The following TWIST2 variants were observed in gnomAD, a reference collection of about 807,000 sequenced individuals.
TWIST2 encodes the protein twist-related protein 2.
In TWIST2, 1 loss-of-function variant was observed where a neutral mutation model predicts 11.6. That is an observed-to-expected ratio of 0.09 (90% CI 0.03 to 0.41). The LOEUF (loss-of-function observed/expected upper bound fraction) is 0.41, where lower values mean the gene tolerates loss of function less well. Among genes scored for constraint, TWIST2 ranks in the 10% least tolerant of loss-of-function variants. TWIST2 has a pLI of 0.98. For missense variants in TWIST2, 168 were observed against 226.4 expected (o/e 0.74, Z 1.66); for synonymous variants, 87 against 96.6 (o/e 0.90, Z 0.58).
In TWIST2 at chr2:238,909,216, G is replaced by T. The variant is rs927848335; in HGVS notation, c.*36-626G>T. ...TTGGTGTGTGTGTGTATGTGGGGTG[G>T]GGTGTGTTCGTGGGTGTGGTATGTG... On this transcript the variant is annotated intron_variant, in intron 1 of 1. Coordinates refer to ENST00000612363, the MANE Select transcript of TWIST2 (RefSeq NM_001271893.4). Among the ~76,000 whole-genome samples the T allele has an allele frequency of 1.1e-3, 23 of 20,704 alleles. No individual in the cohort carries two copies. In the East Asian group the frequency reaches 0.014, roughly 13 times the overall value. The allele number at this position is 20,704 out of a possible 152,430, so 13.6% of individuals were successfully genotyped here. A position where few individuals can be genotyped will look rare whatever the true frequency, so the allele number is the denominator to read the frequency against.
chr2:238,865,641 CTT>C (rs1295175302), intron 1 of TWIST2, among the ~76,000 whole-genome samples: 2 of 152,030 alleles, frequency 1.3e-5, no homozygotes, highest in Admixed American at 6.5e-5. Flanking sequence ...CAGGTTGAGT[CTT>C]TGAATTTGCA....
At position 238,848,714 on chromosome 2, in the gene TWIST2, C is replaced by T; in HGVS notation, c.*16C>T. Reference sequence around the variant, plus strand: ...CTCCCACTAGCGCCGCGCCACCCACCTCCGGACCGGCGCGCCAGGGTAGGT... The same window carrying T: ...CTCCCACTAGCGCCGCGCCACCCACTTCCGGACCGGCGCGCCAGGGTAGGT... On this transcript the variant is annotated 3_prime_UTR_variant, in exon 1 of 2. Coordinates refer to ENST00000612363, the MANE Select transcript of TWIST2 (RefSeq NM_001271893.4). 1 of 1,486,582 alleles carries T rather than the reference C, an allele frequency of 6.7e-7. No individual in the cohort carries two copies. The highest frequency in any genetic ancestry group is 8.9e-7 in the Non-Finnish European group (1 of 1,119,814). The allele number at this position is 1,486,582 out of a possible 1,614,324, so 92.1% of individuals were successfully genotyped here. A position where few individuals can be genotyped will look rare whatever the true frequency, so the allele number is the denominator to read the frequency against.
chr2:238,859,347 C>G (rs1464519687), intron 1 of TWIST2, among the ~76,000 whole-genome samples: 3 of 151,516 alleles, frequency 2.0e-5, no homozygotes, highest in African/African-American at 7.3e-5. Flanking sequence ...CCCAAATAAG[C>G]AAATCCATAC....
intron 1 of TWIST2, among the ~76,000 whole-genome samples, chr2:238,906,037 G>A (rs946732695): frequency 1.3e-5 from 2 of 152,198 alleles, no homozygotes; most frequent in Admixed American, 6.5e-5. Flanking sequence ...TGGGTTTCAG[G>A]GAAAATACGT....
At chr2:238,909,346 C>A (rs920913352) in intron 1 of TWIST2, among the ~76,000 whole-genome samples, 1 of 152,044 alleles carries the variant, frequency 6.6e-6, no homozygotes, top group Admixed American at 6.5e-5. Context: ...AAGAATCCGC[C>A]GTTGACAGCT....
intron 1 of TWIST2, among the ~76,000 whole-genome samples, chr2:238,858,949 C>T (rs946919035): frequency 6.6e-6 from 1 of 152,200 alleles, no homozygotes; most frequent in Non-Finnish European, 1.5e-5. Context: ...CAGTGGCTCA[C>T]GCCTGTAATC....
intron 1 of TWIST2, among the ~76,000 whole-genome samples, chr2:238,851,336 T>C (rs779348543): frequency 3.2e-4 from 49 of 152,192 alleles, no homozygotes; most frequent in Non-Finnish European, 6.0e-4. Flanking sequence ...TCAGGTGTCT[T>C]TGTCCAGTCA....
At chr2:238,865,875 C>T (rs371580485) in intron 1 of TWIST2, among the ~76,000 whole-genome samples, 56 of 152,256 alleles carry the variant, frequency 3.7e-4, no homozygotes, top group African/African-American at 1.1e-3. Context: ...AAATGCCATT[C>T]GCTGTGATGA....
intron 1 of TWIST2, among the ~76,000 whole-genome samples, chr2:238,868,335 C>A (rs1236599661): frequency 1.3e-5 from 2 of 152,230 alleles, no homozygotes; most frequent in African/African-American, 4.8e-5. Flanking sequence ...CGCCCCCCAG[C>A]CTGCTCTGGT....
intron 1 of TWIST2, among the ~76,000 whole-genome samples, chr2:238,868,878 G>A (rs1380538225): frequency 1.3e-5 from 2 of 152,220 alleles, no homozygotes; most frequent in Non-Finnish European, 2.9e-5. Flanking sequence ...TGATTCTCAA[G>A]ATGGTCCAGT....
At chr2:238,889,959 GGCTGCCCAGCCTGGCCTGTGCGGA>G (rs1169225773) in intron 1 of TWIST2, among the ~76,000 whole-genome samples, 281 of 23,164 alleles carry the variant, frequency 0.012, no homozygotes, top group Middle Eastern at 0.071. Flanking sequence ...CCTGGGTGGA[GGCTGCCCAGCCTGGCCTGTGCGGA>G]GGCTGCCCAG....
At chr2:238,854,950 A>C (rs763475324) in intron 1 of TWIST2, among the ~76,000 whole-genome samples, 11 of 152,154 alleles carry the variant, frequency 7.2e-5, no homozygotes, top group Non-Finnish European at 1.5e-4. Context: ...CCTTTCCTTC[A>C]TCTCTGCTCT....
intron 1 of TWIST2, among the ~76,000 whole-genome samples, chr2:238,879,939 G>C (rs568855075): frequency 1.2e-4 from 18 of 152,330 alleles, no homozygotes; most frequent in African/African-American, 4.3e-4. Context: ...CTGGGGCATG[G>C]TTCAAAACCC....
At chr2:238,905,214 GC>G (rs1384605029) in intron 1 of TWIST2, among the ~76,000 whole-genome samples, 8,835 of 152,120 alleles carry the variant, frequency 0.058, 397 homozygotes, top group East Asian at 0.16. Flanking sequence ...GCTCATTAGG[GC>G]CCCGGTCTGG....
intron 1 of TWIST2, among the ~76,000 whole-genome samples, chr2:238,905,988 T>C (rs1264240151): frequency 3.5e-5 from 5 of 144,438 alleles, no homozygotes; most frequent in African/African-American, 1.3e-4. Context: ...CGCGTGTACG[T>C]GCGCGTGTGT....
chr2:238,904,315 GGT>G (rs1200229202), intron 1 of TWIST2, among the ~76,000 whole-genome samples: 71 of 142,350 alleles, frequency 5.0e-4, no homozygotes, highest in African/African-American at 7.8e-4. Flanking sequence ...TCTAATGTGA[GGT>G]GTGTGTGTGT....
intron 1 of TWIST2, among the ~76,000 whole-genome samples, chr2:238,874,201 T>A (rs1692763818): frequency 6.6e-6 from 1 of 152,112 alleles, no homozygotes; most frequent in Non-Finnish European, 1.5e-5. Flanking sequence ...CTCAGGGAAG[T>A]GCAGCTACCA....
Position 238,848,139 on chromosome 2 carries a change from C to T in TWIST2, c.-77C>T, listed in dbSNP as rs1387348320. 6 of 1,127,076 alleles carry T rather than the reference C, an allele frequency of 5.3e-6. No homozygotes were observed. Among genetic ancestry groups the T allele is most frequent in the African/African-American group, 3.3e-5 (2 of 60,900 alleles). The allele number at this position is 1,127,076 out of a possible 1,614,324, so 69.8% of individuals were successfully genotyped here. A position where few individuals can be genotyped will look rare whatever the true frequency, so the allele number is the denominator to read the frequency against. The stretch of plus-strand genomic sequence containing the variant: ...TCCAGCAACTCCGAGAGCGTGTGCT[C>T]GGCGACCGCGGGCTTGGCCAGCGGC... On this transcript the variant is annotated 5_prime_UTR_variant, in exon 1 of 2. Coordinates refer to ENST00000612363, the MANE Select transcript of TWIST2 (RefSeq NM_001271893.4).
At chr2:238,892,411 C>T (rs957305724) in intron 1 of TWIST2, among the ~76,000 whole-genome samples, 1 of 152,246 alleles carries the variant, frequency 6.6e-6, no homozygotes, top group Non-Finnish European at 1.5e-5. Context: ...CCAGCCTGGG[C>T]TGTTCACTCA....
Sources: gnomAD v4.1 joint callset for allele counts (sites outside exome capture counted in the v4.1 genomes callset) on GRCh38, gnomAD v4.1.1 for gene constraint, MANE v1.5 for transcripts, NCBI Gene and HGNC (gene_info 2026-07-23, HGNC 2026-07-21) for gene names.